Variants in GPR157 observed in about 807,000 individuals in gnomAD.
GPR157 encodes the protein G protein-coupled receptor 157.
GPR157 carries 16 observed loss-of-function variants against 23.5 expected under a neutral mutation model. The ratio of observed to expected loss-of-function variants is 0.68; its 90% CI spans 0.46 to 1.04. The LOEUF is 1.04. Ranked by LOEUF, GPR157 falls within the 50% of genes least tolerant of loss-of-function variation. GPR157 has a pLI of 0.00. For missense variants in GPR157, 440 were observed against 460.7 expected, an observed-to-expected ratio of 0.96 and a Z score of 0.41; for synonymous variants, 200 against 221.5, an observed-to-expected ratio of 0.90 and a Z score of 0.86.
In GPR157 at chr1:9,101,925, T is replaced by C. The variant is rs1285114356; in HGVS notation, c.*2494A>G. The C allele has an allele frequency of 1.3e-5, 2 of 152,194 alleles. No homozygotes were observed. The highest frequency in any genetic ancestry group is 2.9e-5 in the Non-Finnish European group (2 of 68,046). 9.4% of individuals were successfully genotyped at this position (152,194 alleles called of 1,614,324 possible). On this transcript the variant is annotated 3_prime_UTR_variant, in exon 4 of 4. Coordinates refer to ENST00000377411, the MANE Select transcript of GPR157 (RefSeq NM_024980.5). ...CTTTTGCAGCAAGCAAATTCCTGAA[T>C]TTTCGCTCCCTTCTAGAAGCTCAAG...
At chr1:9,108,827 C>T (rs949254464) in intron 2 of GPR157, among the ~76,000 whole-genome samples, 3 of 151,928 alleles carry the variant, frequency 2.0e-5, no homozygotes, top group Non-Finnish European at 4.4e-5. Context: ...TCTCTGTCAC[C>T]CAGGCTGGAG....
chr1:9,110,784 A>T (rs924909330), intron 2 of GPR157, among the ~76,000 whole-genome samples: 4 of 152,222 alleles, frequency 2.6e-5, no homozygotes, highest in Non-Finnish European at 5.9e-5. Flanking sequence ...TTAGGATATA[A>T]TAAATCACTA....
chr1:9,104,739 A>G (rs1029647212), intron 3 of GPR157, 105 bp from the exon 4 acceptor site: 2 of 783,310 alleles, frequency 2.6e-6, no homozygotes, highest in Non-Finnish European at 4.1e-6. Flanking sequence ...GGTGGCTCAC[A>G]CCTGTAATCC....
Position 9,128,375 on chromosome 1 carries a change from A to G in GPR157, c.383+270T>C, listed in dbSNP as rs1393774064. 1.5e-6 allele frequency: 1 copy of G among 680,222 alleles called. No homozygotes were observed. 42.1% of individuals were successfully genotyped at this position (680,222 alleles called of 1,614,324 possible). A position where few individuals can be genotyped will look rare whatever the true frequency, so the allele number is the denominator to read the frequency against. ...GTCCTCCCCAGCCCCGTCCAAGGAA[A>G]CAGGGCCCGGCTCTGGGGGCGAACT... On this transcript the variant is annotated intron_variant, in intron 1 of 3. Coordinates refer to ENST00000377411, the MANE Select transcript of GPR157 (RefSeq NM_024980.5). This position sits in a 1 kb window ranked among gnomAD's most constrained non-coding sequence, Gnocchi z 6.3.
rs780694419 is a variant in GPR157 at position 9,101,791 on chromosome 1, T to A, written c.*2628A>T. 2.6e-5 allele frequency: 4 copies of A among 152,226 alleles called. No individual in the cohort carries two copies. Among genetic ancestry groups the A allele is most frequent in the Non-Finnish European group, 5.9e-5 (4 of 68,058 alleles). The allele number at this position is 152,226 out of a possible 1,614,324, so 9.4% of individuals were successfully genotyped here. ...GGGGAGCCATGTCTCAGCTCTGGCT[T>A]GGGTACAGCAGGGAGGGCTCCAGAG... is the stretch of plus-strand genomic sequence containing the variant. On this transcript the variant is annotated 3_prime_UTR_variant, in exon 4 of 4. Coordinates refer to ENST00000377411, the MANE Select transcript of GPR157 (RefSeq NM_024980.5).
In GPR157 at chr1:9,116,357, TAA is replaced by T. The variant is rs70985592; in HGVS notation, c.384-4870_384-4869del. Among the ~76,000 whole-genome samples the T allele has an allele frequency of 1.7e-3, 13 of 7,466 alleles. 1 individual carries two copies. The highest frequency in any genetic ancestry group is 0.011 in the African/African-American group (13 of 1,198). 4.9% of individuals were successfully genotyped at this position (7,466 alleles called of 152,430 possible). On this transcript the variant is annotated intron_variant, in intron 1 of 3. Coordinates refer to ENST00000377411, the MANE Select transcript of GPR157 (RefSeq NM_024980.5). ...TATATAATTTATATATAATTATATA[TAA>T]ATTATATATATATATATTTTTTCAC...
chr1:9,106,258 C>T (rs1351080129), intron 2 of GPR157, among the ~76,000 whole-genome samples: 1 of 152,178 alleles, frequency 6.6e-6, no homozygotes, highest in African/African-American at 2.4e-5. Flanking sequence ...CTGCCACTGC[C>T]CCCGTGTCCA....
At chr1:9,112,095 G>T (rs1638521396) in intron 1 of GPR157, among the ~76,000 whole-genome samples, 2 of 152,238 alleles carry the variant, frequency 1.3e-5, no homozygotes. Flanking sequence ...CAGGCCTGTG[G>T]TGCAGACAGT....
At chr1:9,106,399 C>CCTCCACTCGGAGCTCTTCAG (rs1431560547) in intron 2 of GPR157, among the ~76,000 whole-genome samples, 2 of 152,158 alleles carry the variant, frequency 1.3e-5, no homozygotes, top group African/African-American at 2.4e-5. Flanking sequence ...TCCAGTGAGT[C>CCTCCACTCGGAGCTCTTCAG]CTCCACTCGG....
At position 9,105,571 on chromosome 1, in the gene GPR157, C is replaced by G. The variant is rs762486448; in HGVS notation, c.707G>C (p.Gly236Ala). 6.2e-7 allele frequency: 1 copy of G among 1,608,692 alleles called. No homozygotes were observed. The highest frequency in any genetic ancestry group is 1.3e-5 in the African/African-American group (1 of 74,910). Reference sequence around the variant, plus strand: ...CCGCACGGTGCTCCAGACCCTGAGGCCGATGAAGATGAGCGGGATGAGCAC... The same window carrying G: ...CCGCACGGTGCTCCAGACCCTGAGGGCGATGAAGATGAGCGGGATGAGCAC... ...KLVLIPLIFI[G>A]LRVWSTVRFV... The change falls in exon 3 of 4, where the codon GGC becomes GCC. Residue 236 changes from glycine to alanine, a missense_variant. Gly to Ala is a moderately conservative substitution (Grantham distance 60). Coordinates refer to ENST00000377411, the MANE Select transcript of GPR157 (RefSeq NM_024980.5). This position sits in a 1 kb window ranked among gnomAD's most constrained non-coding sequence, Gnocchi z 4.8.
intron 1 of GPR157, among the ~76,000 whole-genome samples, chr1:9,115,141 T>G (rs6577549): frequency 6.6e-6 from 1 of 151,804 alleles, no homozygotes; most frequent in African/African-American, 2.4e-5. Context: ...GACTGACTCA[T>G]GTACAGGCAT....
chr1:9,127,193 A>G (rs1008412852), intron 1 of GPR157, among the ~76,000 whole-genome samples: 1 of 152,128 alleles, frequency 6.6e-6, no homozygotes, highest in Non-Finnish European at 1.5e-5. Context: ...TCTTTATCAA[A>G]GAAGCCCTTC....
rs1046920724 is a variant in GPR157, at chr1:9,120,070, G to C, written c.383+8575C>G. 6.6e-6 allele frequency among the ~76,000 whole-genome samples: 1 copy of C among 152,126 alleles called. No individual in the cohort carries two copies. Among genetic ancestry groups the C allele is most frequent in the African/African-American group, 2.4e-5 (1 of 41,390 alleles). On this transcript the variant is annotated intron_variant, in intron 1 of 3. Transcript: ENST00000377411. The surrounding 1 kb of genome is among the most constrained non-coding windows in gnomAD (Gnocchi z 4.1). Reference sequence around the variant, plus strand: ...AACCTGTCCCCACCAGAGTCAGGGTGGGGGCACCTGCAGACAGGGAGACAC... The same window carrying C: ...AACCTGTCCCCACCAGAGTCAGGGTCGGGGCACCTGCAGACAGGGAGACAC...
intron 1 of GPR157, among the ~76,000 whole-genome samples, chr1:9,114,920 CAAA>C (rs70985588): frequency 0.013 from 1,146 of 85,466 alleles, 16 homozygotes; most frequent in African/African-American, 0.048. Context: ...GACTCCGTCT[CAAA>C]AAAAAAAAAA....
chr1:9,111,057 G>A (rs932802815), intron 2 of GPR157: 15 of 607,626 alleles, frequency 2.5e-5, no homozygotes, highest in South Asian at 1.1e-4. Flanking sequence ...AACAGGACCC[G>A]GCTCCTAACG....
Position 9,123,269 on chromosome 1 carries a change from T to TATTTA in GPR157, c.383+5371_383+5375dup, listed in dbSNP as rs1553175811. 4.8e-3 allele frequency among the ~76,000 whole-genome samples: 102 copies of TATTTA among 21,226 alleles called. 1 individual carries two copies. Among genetic ancestry groups the TATTTA allele is most frequent in the South Asian group, 0.014 (13 of 942 alleles). The allele number at this position is 21,226 out of a possible 152,430, so 13.9% of individuals were successfully genotyped here. A position where few individuals can be genotyped will look rare whatever the true frequency, so the allele number is the denominator to read the frequency against. Reference sequence around the variant, plus strand: ...ATTTAAATATATATTTAAATATATATATTTAAATATATATTTAAATTAATA... The same window carrying TATTTA: ...ATTTAAATATATATTTAAATATATATATTTAATTTAAATATATATTTAAATTAATA... On this transcript the variant is annotated intron_variant, in intron 1 of 3. Coordinates refer to ENST00000377411, the MANE Select transcript of GPR157 (RefSeq NM_024980.5).
intron 1 of GPR157, among the ~76,000 whole-genome samples, chr1:9,115,940 C>T (rs928265359): frequency 1.0e-4 from 15 of 148,558 alleles, no homozygotes; most frequent in Non-Finnish European, 1.2e-4. Flanking sequence ...ACAACTGAGA[C>T]TGCCTGGTCC....
rs908105517 is a variant in GPR157 at position 9,103,121 on chromosome 1, A to AAT, written c.*1297_*1298insAT. ...TCCTTTTTTAAAAAAAAAAAAAAAA[A>AAT]AAAACTGACTCTGAAGCTTAAAACC... On this transcript the variant is annotated 3_prime_UTR_variant, in exon 4 of 4. Coordinates refer to ENST00000377411, the MANE Select transcript of GPR157 (RefSeq NM_024980.5). 2.0e-5 allele frequency: 3 copies of AAT among 151,604 alleles called. No individual in the cohort carries two copies. Among genetic ancestry groups the AAT allele is most frequent in the African/African-American group, 7.3e-5 (3 of 41,270 alleles). 9.4% of individuals were successfully genotyped at this position (151,604 alleles called of 1,614,324 possible). A position where few individuals can be genotyped will look rare whatever the true frequency, so the allele number is the denominator to read the frequency against.
Position 9,128,534 on chromosome 1 carries a change from C to A in GPR157, c.383+111G>T. 9.5e-7 allele frequency: 1 copy of A among 1,048,266 alleles called. No individual in the cohort carries two copies. Among genetic ancestry groups the A allele is most frequent in the South Asian group, 1.4e-5 (1 of 71,476 alleles). 64.9% of individuals were successfully genotyped at this position (1,048,266 alleles called of 1,614,324 possible). On this transcript the variant is annotated intron_variant, in intron 1 of 3. Coordinates refer to ENST00000377411, the MANE Select transcript of GPR157 (RefSeq NM_024980.5). The surrounding 1 kb of genome is among the most constrained non-coding windows in gnomAD (Gnocchi z 6.3). Reference sequence around the variant, plus strand: ...GCCTCGGGGGCGCCAGCAGGCACTGCTTGCTGTGGGTAGGGGGTGTCCAAC... The same window carrying A: ...GCCTCGGGGGCGCCAGCAGGCACTGATTGCTGTGGGTAGGGGGTGTCCAAC...
Sources: allele counts gnomAD v4.1 joint callset (sites outside exome capture counted in the v4.1 genomes callset), GRCh38; gene constraint gnomAD v4.1.1; non-coding constraint Gnocchi (gnomAD v3.1); transcripts MANE v1.5; gene names NCBI Gene and HGNC (gene_info 2026-07-23, HGNC 2026-07-21).